Variants in MDGA2 observed in about 807,000 individuals in gnomAD.
The protein encoded by MDGA2 is MAM domain-containing glycosylphosphatidylinositol anchor protein 2.
Under a neutral mutation model 117.8 loss-of-function variants are expected in MDGA2, and 40 were observed. The ratio of observed to expected loss-of-function variants is 0.34; its 90% CI spans 0.26 to 0.44. The LOEUF is 0.44. Among genes scored for constraint, MDGA2 ranks in the 20% least tolerant of loss-of-function variants. The pLI is 1.00. For missense variants in MDGA2, 1,123 were observed against 1,250.6 expected, an observed-to-expected ratio of 0.90 and a Z score of 1.54; for synonymous variants, 452 against 439.0, an observed-to-expected ratio of 1.03 and a Z score of -0.37.
intron 14 of MDGA2, among the ~76,000 whole-genome samples, chr14:46,870,055 T>C (rs1391658960): frequency 6.6e-6 from 1 of 151,972 alleles, no homozygotes; most frequent in Non-Finnish European, 1.5e-5. Context: ...TCAGTTGAGC[T>C]ATACTTGTAT....
chr14:47,437,520 G>A (rs1892922768), intron 1 of MDGA2, among the ~76,000 whole-genome samples: 1 of 152,032 alleles, frequency 6.6e-6, no homozygotes, highest in African/African-American at 2.4e-5. Context: ...CATTTCTTTA[G>A]TGGCTATAGT....
In MDGA2 at chr14:47,364,731, G is replaced by A. The variant is rs531895707; in HGVS notation, c.281-63181C>T. 4.6e-5 allele frequency among the ~76,000 whole-genome samples: 7 copies of A among 152,294 alleles called. No homozygotes were observed. In the East Asian group the frequency reaches 1.3e-3, roughly 29 times the overall value. On this transcript the variant is annotated intron_variant, in intron 1 of 16. Transcript: ENST00000399232. Reference sequence around the variant, plus strand: ...TTAAACAACAAACTAAAAAACAAAAGCAAATACAGATAGTTAAAAGTGAGT... The same window carrying A: ...TTAAACAACAAACTAAAAAACAAAAACAAATACAGATAGTTAAAAGTGAGT...
At chr14:47,565,867 T>C (rs961673515) in intron 1 of MDGA2, among the ~76,000 whole-genome samples, 2 of 152,032 alleles carry the variant, frequency 1.3e-5, no homozygotes, top group African/African-American at 2.4e-5. Flanking sequence ...GCTGTGACAA[T>C]GTGGGGCAGG....
intron 2 of MDGA2, among the ~76,000 whole-genome samples, chr14:47,285,315 AT>A (rs1888634359): frequency 6.6e-6 from 1 of 151,802 alleles, no homozygotes. Flanking sequence ...ACTCTGTTTT[AT>A]TTTCTACTAA....
At chr14:46,999,419 T>C (rs1238652587) in intron 8 of MDGA2, among the ~76,000 whole-genome samples, 2 of 152,138 alleles carry the variant, frequency 1.3e-5, no homozygotes, top group African/African-American at 4.8e-5. Flanking sequence ...AGATTCATCA[T>C]TACTAGCCCA....
intron 1 of MDGA2, among the ~76,000 whole-genome samples, chr14:47,348,182 T>C (rs1303961566): frequency 3.3e-5 from 5 of 151,656 alleles, no homozygotes; most frequent in African/African-American, 1.2e-4. Context: ...TGTGTGTGTG[T>C]GTGTGTGTGT....
intron 2 of MDGA2, among the ~76,000 whole-genome samples, chr14:47,264,894 C>T (rs1419033166): frequency 6.6e-6 from 1 of 152,012 alleles, no homozygotes; most frequent in Non-Finnish European, 1.5e-5. Context: ...GTGATGTTCC[C>T]CTCCCTGTGT....
intron 2 of MDGA2, among the ~76,000 whole-genome samples, chr14:47,234,635 A>T (rs1330811143): frequency 6.6e-6 from 1 of 152,112 alleles, no homozygotes; most frequent in African/African-American, 2.4e-5. Context: ...GCCACAGGAA[A>T]TGACATACAT....
chr14:47,549,341 T>TTC (rs1411617142), intron 1 of MDGA2, among the ~76,000 whole-genome samples: 10 of 64,782 alleles, frequency 1.5e-4, no homozygotes, highest in South Asian at 1.1e-3. Flanking sequence ...TTCACCAGTA[T>TTC]TATCTCTCTC....
chr14:47,573,465 C>T (rs540529292), intron 1 of MDGA2, among the ~76,000 whole-genome samples: 16 of 152,260 alleles, frequency 1.1e-4, no homozygotes, highest in Admixed American at 2.6e-4. Flanking sequence ...CTAGACAGCA[C>T]GTTTTTTCAC....
chr14:47,463,629 G>T (rs1893537756), intron 1 of MDGA2, among the ~76,000 whole-genome samples: 1 of 152,034 alleles, frequency 6.6e-6, no homozygotes, highest in Non-Finnish European at 1.5e-5. Flanking sequence ...GTAAAGAGAG[G>T]GGTAGGGGAT....
chr14:47,449,566 A>G lies in MDGA2; in HGVS notation c.281-148016T>C, dbSNP rs2138566983. On this transcript the variant is annotated intron_variant, in intron 1 of 16. Coordinates refer to ENST00000399232, the MANE Select transcript of MDGA2 (RefSeq NM_001113498.3). ...TTCTTAAATTACATAGATTTGACAG[A>G]CAGTTAAACACACTTAAGAGGTTAA... is the stretch of plus-strand genomic sequence containing the variant. Among the ~76,000 whole-genome samples the G allele has an allele frequency of 1.3e-5, 2 of 152,268 alleles. 1 individual carries two copies. Among genetic ancestry groups the G allele is most frequent in the South Asian group, 4.1e-4 (2 of 4,824 alleles).
chr14:47,525,667 A>C lies in MDGA2; in HGVS notation c.280+148850T>G, dbSNP rs1184713318. On this transcript the variant is annotated intron_variant, in intron 1 of 16. Transcript: ENST00000399232. ...ACCACTGCATTTCACCCTGGACGAC[A>C]GTGAGACACCGTCTCAAAAAATAAA... 3.3e-5 allele frequency among the ~76,000 whole-genome samples: 5 copies of C among 152,274 alleles called. No individual in the cohort carries two copies. The East Asian group carries it at 9.7e-4, about 29-fold the overall frequency.
chr14:47,275,373 C>T (rs1888277373), intron 2 of MDGA2, among the ~76,000 whole-genome samples: 2 of 152,060 alleles, frequency 1.3e-5, no homozygotes, highest in South Asian at 4.1e-4. Context: ...TCACACTATG[C>T]TATTGCTAGT....
intron 1 of MDGA2, among the ~76,000 whole-genome samples, chr14:47,412,643 T>C (rs1408893107): frequency 6.6e-6 from 1 of 152,236 alleles, no homozygotes; most frequent in Non-Finnish European, 1.5e-5. Flanking sequence ...AATGTATAAA[T>C]TCTGTGACAA....
intron 2 of MDGA2, among the ~76,000 whole-genome samples, chr14:47,251,715 T>C (rs777756987): frequency 6.6e-6 from 1 of 152,160 alleles, no homozygotes; most frequent in Non-Finnish European, 1.5e-5. Flanking sequence ...CTTGGATAGA[T>C]ACCAAATTGT....
At chr14:47,281,933 T>C (rs1360301141) in intron 2 of MDGA2, among the ~76,000 whole-genome samples, 1 of 151,744 alleles carries the variant, frequency 6.6e-6, no homozygotes, top group Non-Finnish European at 1.5e-5. Context: ...GGCGCGCCTG[T>C]TGTCCCAGCT....
At position 47,401,842 on chromosome 14, in the gene MDGA2, A is replaced by G. The variant is rs189754649; in HGVS notation, c.281-100292T>C. On this transcript the variant is annotated intron_variant, in intron 1 of 16. Coordinates refer to ENST00000399232, the MANE Select transcript of MDGA2 (RefSeq NM_001113498.3). Reference sequence around the variant, plus strand: ...AATTAAGTGATAAATTATGATGTCCATTGAGTGGTAAGATTGCTTCATTGT... The same window carrying G: ...AATTAAGTGATAAATTATGATGTCCGTTGAGTGGTAAGATTGCTTCATTGT... Among the ~76,000 whole-genome samples, 11 of 152,330 alleles carry G rather than the reference A, an allele frequency of 7.2e-5. No homozygotes were observed. The East Asian group carries it at 2.1e-3, about 29-fold the overall frequency.
chr14:47,359,563 C>T lies in MDGA2; in HGVS notation c.281-58013G>A, dbSNP rs117727319. On this transcript the variant is annotated intron_variant, in intron 1 of 16. Transcript: ENST00000399232. ...TGAGGAATGGATAGTTTCTCCAGTG[C>T]TGTTGGGAAAACTGGATATCCACAG... Among the ~76,000 whole-genome samples the T allele has an allele frequency of 1.3e-3, 190 of 151,952 alleles. 2 individuals are homozygous for T. The East Asian group carries it at 0.032, about 25-fold the overall frequency.
Sources: gnomAD v4.1 joint callset for allele counts (sites outside exome capture counted in the v4.1 genomes callset) on GRCh38, gnomAD v4.1.1 for gene constraint, MANE v1.5 for transcripts, NCBI Gene and HGNC (gene_info 2026-07-23, HGNC 2026-07-21) for gene names.